The following GUCY1A2 variants were observed in gnomAD, a reference collection of about 807,000 sequenced individuals.
GUCY1A2 encodes guanylate cyclase 1 soluble subunit alpha 2.
GUCY1A2 carries 27 observed loss-of-function variants against 63.5 expected under a neutral mutation model. That is an observed-to-expected ratio of 0.43 (90% CI 0.31 to 0.59). The LOEUF (loss-of-function observed/expected upper bound fraction) is 0.59, where lower values mean the gene tolerates loss of function less well. Ranked by LOEUF, GUCY1A2 falls within the 20% of genes least tolerant of loss-of-function variation. GUCY1A2 has a pLI of 0.11. For missense variants in GUCY1A2, 768 were observed against 913.3 expected (o/e 0.84, Z 2.05); for synonymous variants, 364 against 343.5 (o/e 1.06, Z -0.66).
intron 5 of GUCY1A2, among the ~76,000 whole-genome samples, chr11:106,805,739 A>T (rs7113801): frequency 0.14 from 21,333 of 152,150 alleles, 1,513 homozygotes; most frequent in Middle Eastern, 0.18. Flanking sequence ...TCTAACAAAG[A>T]GAAAAGATGG....
Position 106,939,762 on chromosome 11 carries a change from T to C in GUCY1A2, c.904A>G (p.Met302Val), listed in dbSNP as rs61736492. 1.9e-5 allele frequency: 30 copies of C among 1,613,892 alleles called. No individual in the cohort carries two copies. In the African/African-American group the frequency reaches 3.5e-4, roughly 19 times the overall value. The part of the protein sequence containing the change: ...LIKECENTNI[M>V]KNLPQGTSQV... ...GAGGTTCCCTGTGGAAGGTTCTTCA[T>C]GATATTAGTATTTTCACATTCTTTG... is the stretch of plus-strand genomic sequence containing the variant. Residue 302 changes from methionine to valine, a missense_variant, in exon 4 of 8, where the codon ATG becomes GTG. By Grantham distance (21) the Met-to-Val change is conservative (BLOSUM62 1). Around this residue, in one of 3 missense-constraint regions of GUCY1A2, gnomAD observed 496 missense variants for 486.9 expected, o/e 1.02. Coordinates refer to ENST00000526355, the MANE Select transcript of GUCY1A2 (RefSeq NM_000855.3).
Position 106,683,639 on chromosome 11 carries a change from AG to A in GUCY1A2, c.*3909del. The A allele has an allele frequency of 4.4e-6, 1 of 226,824 alleles. No individual in the cohort carries two copies. Among genetic ancestry groups the A allele is most frequent in the Non-Finnish European group, 8.8e-6 (1 of 113,914 alleles). 14.1% of individuals were successfully genotyped at this position (226,824 alleles called of 1,614,324 possible). ...ATGCTGTTTGCTGTGGCCAGGCGTG[AG>A]GGGGTGAGATGGTTTCTAGTGACAG... On this transcript the variant is annotated 3_prime_UTR_variant, in exon 8 of 8. Transcript: ENST00000526355.
At chr11:106,882,658 T>C (rs1239051166) in intron 4 of GUCY1A2, among the ~76,000 whole-genome samples, 1 of 152,006 alleles carries the variant, frequency 6.6e-6, no homozygotes, top group Non-Finnish European at 1.5e-5. Context: ...GGCATGACTG[T>C]TGACCCTCAT....
At chr11:106,831,682 G>A (rs1207535665) in intron 4 of GUCY1A2, among the ~76,000 whole-genome samples, 1 of 152,178 alleles carries the variant, frequency 6.6e-6, no homozygotes, top group Non-Finnish European at 1.5e-5. Flanking sequence ...ATAGGAGACT[G>A]GATTCCACAG....
chr11:106,716,238 T>A (rs935014343), intron 6 of GUCY1A2, among the ~76,000 whole-genome samples: 6 of 152,142 alleles, frequency 3.9e-5, no homozygotes, highest in Non-Finnish European at 7.3e-5. Context: ...GCAGATCATA[T>A]AGCACAGGGT....
At chr11:106,897,273 C>T (rs1258375164) in intron 4 of GUCY1A2, among the ~76,000 whole-genome samples, 3 of 152,066 alleles carry the variant, frequency 2.0e-5, no homozygotes, top group Non-Finnish European at 4.4e-5. Context: ...AGTTCTTCCC[C>T]ACTTGCTCTA....
intron 5 of GUCY1A2, among the ~76,000 whole-genome samples, chr11:106,784,296 T>C (rs940447814): frequency 1.3e-5 from 2 of 152,088 alleles, no homozygotes; most frequent in Non-Finnish European, 2.9e-5. Flanking sequence ...TAGGTTATTC[T>C]CCCAGTATTT....
chr11:106,795,730 A>G (rs544616496), intron 5 of GUCY1A2, among the ~76,000 whole-genome samples: 1 of 152,186 alleles, frequency 6.6e-6, no homozygotes, highest in Non-Finnish European at 1.5e-5. Context: ...TTAAATTCTC[A>G]TCTTTCCACT....
chr11:106,937,647 G>T (rs1860697599), intron 4 of GUCY1A2, among the ~76,000 whole-genome samples: 1 of 152,148 alleles, frequency 6.6e-6, no homozygotes, highest in East Asian at 1.9e-4. Context: ...ATCTACAAAT[G>T]TGAACAAAAA....
chr11:106,896,811 A>G (rs920318329), intron 4 of GUCY1A2, among the ~76,000 whole-genome samples: 5 of 152,238 alleles, frequency 3.3e-5, no homozygotes, highest in Non-Finnish European at 7.3e-5. Flanking sequence ...AAGTGTGAGA[A>G]ATAAATTTCT....
chr11:106,756,797 A>G (rs1863982045), intron 6 of GUCY1A2, among the ~76,000 whole-genome samples: 1 of 151,858 alleles, frequency 6.6e-6, no homozygotes, highest in Non-Finnish European at 1.5e-5. Context: ...CTTCATTTCA[A>G]CCATGGTGAA....
In GUCY1A2 at chr11:106,685,242, A is replaced by T. The variant is rs1862504154; in HGVS notation, c.*2307T>A. On this transcript the variant is annotated 3_prime_UTR_variant, in exon 8 of 8. Transcript: ENST00000526355. ...AAATGGATACTTATTCTCTAAGTAA[A>T]ATCATATAAACTAATACAGAATTTG... 1 of 204,390 alleles carries T rather than the reference A, an allele frequency of 4.9e-6. No homozygotes were observed. Among genetic ancestry groups the T allele is most frequent in the Non-Finnish European group, 1.0e-5 (1 of 99,788 alleles). 12.7% of individuals were successfully genotyped at this position (204,390 alleles called of 1,614,324 possible). A position where few individuals can be genotyped will look rare whatever the true frequency, so the allele number is the denominator to read the frequency against.
At chr11:106,992,578 C>T (rs11211997) in intron 1 of GUCY1A2, among the ~76,000 whole-genome samples, 1 of 152,062 alleles carries the variant, frequency 6.6e-6, no homozygotes, top group Non-Finnish European at 1.5e-5. Context: ...GATCTGCCCA[C>T]CTCAGCCTCC....
At chr11:106,823,838 A>C (rs1858933110) in intron 4 of GUCY1A2, among the ~76,000 whole-genome samples, 1 of 152,074 alleles carries the variant, frequency 6.6e-6, no homozygotes, top group African/African-American at 2.4e-5. Context: ...TCATTATATC[A>C]TGTGTTTGTT....
chr11:106,966,362 C>A (rs1488686014), intron 3 of GUCY1A2, among the ~76,000 whole-genome samples: 1 of 152,156 alleles, frequency 6.6e-6, no homozygotes, highest in Non-Finnish European at 1.5e-5. Flanking sequence ...CCCACCTTGG[C>A]CTCCCAAAGT....
intron 2 of GUCY1A2, among the ~76,000 whole-genome samples, chr11:106,980,431 A>AT (rs1407371487): frequency 6.6e-6 from 1 of 152,146 alleles, no homozygotes; most frequent in Non-Finnish European, 1.5e-5. Context: ...GAAATTTTCC[A>AT]TTTTCCATTT....
intron 1 of GUCY1A2, among the ~76,000 whole-genome samples, chr11:106,998,083 C>T (rs1861564693): frequency 6.6e-6 from 1 of 152,138 alleles, no homozygotes; most frequent in African/African-American, 2.4e-5. Context: ...AATCTGCTTA[C>T]TCTAAAAACT....
chr11:106,742,367 T>C (rs1177408749), intron 6 of GUCY1A2, among the ~76,000 whole-genome samples: 2 of 152,180 alleles, frequency 1.3e-5, no homozygotes, highest in Admixed American at 6.6e-5. Context: ...AGGGCCCCAC[T>C]GTGGGTTGTT....
At chr11:106,987,259 G>A (rs1366642530) in intron 1 of GUCY1A2, among the ~76,000 whole-genome samples, 14 of 152,164 alleles carry the variant, frequency 9.2e-5, no homozygotes, top group Admixed American at 8.5e-4. Context: ...CTGCAGAAAG[G>A]GTCTAGCATA....
Sources: allele counts gnomAD v4.1 joint callset (sites outside exome capture counted in the v4.1 genomes callset), GRCh38; gene constraint gnomAD v4.1.1; regional missense constraint gnomAD v4.1.1; transcripts MANE v1.5; gene names NCBI Gene and HGNC (gene_info 2026-07-23, HGNC 2026-07-21).